NCOA1: variants seen among roughly 807,000 people sequenced by gnomAD.
NCOA1 encodes Hin-2 protein.
A neutral mutation model predicts 150.9 loss-of-function variants in NCOA1; 35 were observed. The observed-to-expected ratio is 0.23, with a 90% CI of 0.18 to 0.31. The LOEUF (loss-of-function observed/expected upper bound fraction) is 0.31. Ranked by LOEUF, NCOA1 falls within the 10% of genes least tolerant of loss-of-function variation. NCOA1 has a pLI of 1.00. For missense variants in NCOA1, 1,491 were observed against 1,749.3 expected, an observed-to-expected ratio of 0.85 and a Z score of 2.63; for synonymous variants, 590 against 630.0, an observed-to-expected ratio of 0.94 and a Z score of 0.95.
intron 1 of NCOA1, among the ~76,000 whole-genome samples, chr2:24,540,701 C>T (rs961205908): frequency 3.9e-5 from 6 of 152,088 alleles, no homozygotes; most frequent in African/African-American, 1.2e-4. Context: ...TCAAGTGATC[C>T]GCCTGCCTCA....
chr2:24,532,520 C>T (rs1664944302), intron 1 of NCOA1, among the ~76,000 whole-genome samples: 1 of 152,140 alleles, frequency 6.6e-6, no homozygotes, highest in Non-Finnish European at 1.5e-5. Context: ...GACATGAAGT[C>T]CTTGCCCATG....
chr2:24,595,182 T>C (rs1992499), intron 3 of NCOA1, among the ~76,000 whole-genome samples: 77,525 of 151,842 alleles, frequency 0.51, 21,640 homozygotes, highest in Admixed American at 0.67. Context: ...AGTTGTAAAA[T>C]CACCTCTTCA....
At chr2:24,563,514 ATC>A (rs776409836) in intron 1 of NCOA1, among the ~76,000 whole-genome samples, 1 of 151,048 alleles carries the variant, frequency 6.6e-6, no homozygotes, top group Admixed American at 6.6e-5. Flanking sequence ...AAGCCAGTAA[ATC>A]TCTCTCTTTT....
chr2:24,739,589 T>G, intron 18 of NCOA1, 56 bp downstream of exon 18: 1 of 1,327,140 alleles, frequency 7.5e-7, no homozygotes, highest in African/African-American at 1.4e-5. Flanking sequence ...TAGTGTTTCT[T>G]AAAGTGTTGA....
At chr2:24,669,252 A>G (rs1039167659) in intron 6 of NCOA1, among the ~76,000 whole-genome samples, 1 of 152,232 alleles carries the variant, frequency 6.6e-6, no homozygotes, top group African/African-American at 2.4e-5. Context: ...AAGATGGTCT[A>G]GGAAGGTGTG....
chr2:24,575,440 T>C (rs904444103), intron 2 of NCOA1, among the ~76,000 whole-genome samples: 9 of 152,216 alleles, frequency 5.9e-5, no homozygotes, highest in African/African-American at 2.2e-4. Flanking sequence ...CTGTCAGTTC[T>C]GGGTCTGTTT....
At chr2:24,638,093 C>T (rs368737768) in intron 3 of NCOA1, among the ~76,000 whole-genome samples, 2 of 150,580 alleles carry the variant, frequency 1.3e-5, no homozygotes, top group African/African-American at 4.8e-5. Context: ...TATCCTTCAA[C>T]AAATCTCTCT....
intron 19 of NCOA1, among the ~76,000 whole-genome samples, chr2:24,747,327 C>CTTT (rs148901218): frequency 0.011 from 1,305 of 120,092 alleles, 34 homozygotes; most frequent in African/African-American, 0.039. Context: ...TTATTTTTCT[C>CTTT]TTTTTTTTTT....
intron 1 of NCOA1, among the ~76,000 whole-genome samples, chr2:24,545,884 C>T (rs145099819): frequency 0.036 from 5,419 of 152,238 alleles, 120 homozygotes; most frequent in East Asian, 0.11. Flanking sequence ...CCTCTGCCTC[C>T]CAGGTTCAAG....
In NCOA1 at chr2:24,551,230, A is replaced by C. The variant is rs1665819238; in HGVS notation, c.-395-13065A>C. On this transcript the variant is annotated intron_variant, in intron 1 of 22. Coordinates refer to ENST00000348332, the MANE Select transcript of NCOA1 (RefSeq NM_003743.5). ...TAAAGACCAGTAGGAAAGGTTAAAC[A>C]TATGTACCATGTCTCTAGACTGCTT... Among the ~76,000 whole-genome samples, 3 of 152,220 alleles carry C rather than the reference A, an allele frequency of 2.0e-5. No homozygotes were observed. The South Asian group carries it at 6.2e-4, about 32-fold the overall frequency.
At chr2:24,757,822 C>G (rs1186431783) in intron 20 of NCOA1, 151 bp from the exon 21 acceptor site, 1 of 658,896 alleles carries the variant, frequency 1.5e-6, no homozygotes, top group Non-Finnish European at 2.5e-6. Context: ...CAGAATGTAT[C>G]TGAATTATAT....
intron 7 of NCOA1, among the ~76,000 whole-genome samples, chr2:24,675,778 A>G (rs2148524930): frequency 6.6e-6 from 1 of 152,258 alleles, no homozygotes; most frequent in African/African-American, 2.4e-5. Flanking sequence ...CCAGCTACTC[A>G]GGAGGCTGAG....
Position 24,739,548 on chromosome 2 carries a change from C to T in NCOA1, c.3303+15C>T. 1 of 1,580,268 alleles carries T rather than the reference C, an allele frequency of 6.3e-7. No homozygotes were observed. The highest frequency in any genetic ancestry group is 8.7e-7 in the Non-Finnish European group (1 of 1,149,374). Reference sequence around the variant, plus strand: ...TTACACCTCAGGTAATGTGAGAAAACCAGACGTCATTAGTACTTCTTTAAC... The same window carrying T: ...TTACACCTCAGGTAATGTGAGAAAATCAGACGTCATTAGTACTTCTTTAAC... On this transcript the variant is annotated intron_variant, in intron 18 of 22. Transcript: ENST00000348332.
chr2:24,627,272 A>G (rs1669470416), intron 3 of NCOA1, among the ~76,000 whole-genome samples: 1 of 151,988 alleles, frequency 6.6e-6, no homozygotes, highest in Non-Finnish European at 1.5e-5. Context: ...TAAACTTTGC[A>G]TCCCCCAAAA....
intron 5 of NCOA1, among the ~76,000 whole-genome samples, chr2:24,659,346 T>C (rs981069778): frequency 6.6e-6 from 1 of 152,294 alleles, no homozygotes; most frequent in African/African-American, 2.4e-5. Flanking sequence ...CTAAGAAATA[T>C]CAGGATTTTA....
At chr2:24,599,833 C>T (rs1030953012) in intron 3 of NCOA1, among the ~76,000 whole-genome samples, 3 of 150,004 alleles carry the variant, frequency 2.0e-5, no homozygotes, top group African/African-American at 4.9e-5. Flanking sequence ...CTGTTTTAAG[C>T]GATTCTCGTG....
At chr2:24,523,377 C>G (rs527672508) in intron 1 of NCOA1, among the ~76,000 whole-genome samples, 158 of 150,086 alleles carry the variant, frequency 1.1e-3, no homozygotes, top group African/African-American at 3.9e-3. Context: ...GAGGCCGAGG[C>G]GAGTGGATCA....
At chr2:24,739,873 A>C (rs1663518190) in intron 18 of NCOA1, among the ~76,000 whole-genome samples, 1 of 152,158 alleles carries the variant, frequency 6.6e-6, no homozygotes, top group African/African-American at 2.4e-5. Flanking sequence ...AAACCTGATC[A>C]AAACCCAGTC....
intron 3 of NCOA1, among the ~76,000 whole-genome samples, chr2:24,641,613 C>T (rs1670219411): frequency 1.3e-5 from 2 of 151,990 alleles, no homozygotes; most frequent in Non-Finnish European, 2.9e-5. Context: ...GATATTTTTG[C>T]TGGATGTAGA....
Sources: gnomAD v4.1 joint callset for allele counts (sites outside exome capture counted in the v4.1 genomes callset) on GRCh38, gnomAD v4.1.1 for gene constraint, MANE v1.5 for transcripts, NCBI Gene and HGNC (gene_info 2026-07-23, HGNC 2026-07-21) for gene names.